Variants in MGST1 observed in about 807,000 individuals in gnomAD.
The protein encoded by MGST1 is microsomal glutathione S-transferase 1, also known as glutathione S-transferase 12.
Under a neutral mutation model 8.9 loss-of-function variants are expected in MGST1, and 5 were observed. The ratio of observed to expected loss-of-function variants is 0.56; its 90% confidence interval spans 0.29 to 1.19. The LOEUF is 1.19. MGST1 is among the 50% of genes most tolerant of loss of function. The pLI is 0.08. For synonymous variants in MGST1, 54 were observed against 67.8 expected, an observed-to-expected ratio of 0.80 and a Z score of 1.00; for missense variants, 182 against 187.4, an observed-to-expected ratio of 0.97 and a Z score of 0.17.
intron 4 of MGST1, among the ~76,000 whole-genome samples, chr12:16,578,748 G>A (rs921344958): frequency 6.6e-6 from 1 of 151,898 alleles, no homozygotes; most frequent in African/African-American, 2.4e-5. Context: ...AACCTGGGAG[G>A]CGGAGTTTGC....
At chr12:16,578,250 AT>A (rs1192148929) in intron 4 of MGST1, among the ~76,000 whole-genome samples, 1 of 152,230 alleles carries the variant, frequency 6.6e-6, no homozygotes, top group Non-Finnish European at 1.5e-5. Context: ...GTTTAGGGGA[AT>A]TCTAAGAGAA....
At chr12:16,540,589 G>A (rs1941786972) in intron 4 of MGST1, among the ~76,000 whole-genome samples, 1 of 152,198 alleles carries the variant, frequency 6.6e-6, no homozygotes, top group Non-Finnish European at 1.5e-5. Context: ...TTGGCATCTG[G>A]ACAGAGCGAC....
intron 4 of MGST1, among the ~76,000 whole-genome samples, chr12:16,581,444 G>C (rs961226132): frequency 1.3e-5 from 2 of 152,132 alleles, no homozygotes; most frequent in Non-Finnish European, 2.9e-5. Context: ...AACTCATTGA[G>C]AATACCTGAA....
chr12:16,592,462 C>T (rs1335948315), downstream of MGST1, among the ~76,000 whole-genome samples: 1 of 151,968 alleles, frequency 6.6e-6, no homozygotes, highest in African/African-American at 2.4e-5. Flanking sequence ...TTTATAGACT[C>T]TAAAATTACA....
At chr12:16,473,941 A>C (rs894431737) in intron 4 of MGST1, among the ~76,000 whole-genome samples, 1 of 152,236 alleles carries the variant, frequency 6.6e-6, no homozygotes, top group Non-Finnish European at 1.5e-5. Context: ...AAAGGCCTCA[A>C]GTTAATTTTA....
At chr12:16,512,721 G>A (rs2137180722) in intron 4 of MGST1, among the ~76,000 whole-genome samples, 1 of 152,256 alleles carries the variant, frequency 6.6e-6, no homozygotes, top group South Asian at 2.1e-4. Context: ...CATCATCAGT[G>A]CGCTTTTTCA....
intron 4 of MGST1, among the ~76,000 whole-genome samples, chr12:16,538,985 G>T (rs1371922979): frequency 1.3e-5 from 2 of 152,110 alleles, no homozygotes; most frequent in Admixed American, 1.3e-4. Context: ...AAAACCATGC[G>T]ATCTCATGAG....
chr12:16,381,241 T>C (rs2137040090), downstream of MGST1, among the ~76,000 whole-genome samples: 1 of 152,348 alleles, frequency 6.6e-6, no homozygotes, highest in East Asian at 1.9e-4. Flanking sequence ...GCATTGACAG[T>C]CTTTACAATT....
intron 4 of MGST1, among the ~76,000 whole-genome samples, chr12:16,511,494 A>C (rs936059114): frequency 6.6e-6 from 1 of 152,210 alleles, no homozygotes; most frequent in African/African-American, 2.4e-5. Context: ...TCTTAAACTT[A>C]AAAAAAGTCA....
chr12:16,397,924 A>C (rs902962520), intron 1 of MGST1, among the ~76,000 whole-genome samples: 1 of 151,188 alleles, frequency 6.6e-6, no homozygotes, highest in Non-Finnish European at 1.5e-5. Context: ...ACTCATTAAG[A>C]TTTTGATTAG....
At chr12:16,478,796 G>GT (rs765216592) in intron 4 of MGST1, among the ~76,000 whole-genome samples, 1 of 152,024 alleles carries the variant, frequency 6.6e-6, no homozygotes, top group Non-Finnish European at 1.5e-5. Flanking sequence ...TCTCTTAAAT[G>GT]TTTTTTTAGT....
At chr12:16,569,822 G>GAAAC (rs1219715988) in intron 4 of MGST1, among the ~76,000 whole-genome samples, 1 of 151,930 alleles carries the variant, frequency 6.6e-6, no homozygotes, top group East Asian at 1.9e-4. Flanking sequence ...AAGGGAAAAA[G>GAAAC]AAACAGTAAA....
intron 4 of MGST1, among the ~76,000 whole-genome samples, chr12:16,571,710 T>A (rs1051203769): frequency 2.0e-5 from 3 of 152,010 alleles, no homozygotes; most frequent in Admixed American, 6.6e-5. Context: ...ATATGCAGAT[T>A]GAATTAAATA....
At chr12:16,374,390 T>G (rs768261231) in intron 3 of MGST1, among the ~76,000 whole-genome samples, 8 of 152,242 alleles carry the variant, frequency 5.3e-5, no homozygotes, top group Admixed American at 2.0e-4. Flanking sequence ...TATGGAGAGA[T>G]AGCATATTAT....
intron 4 of MGST1, among the ~76,000 whole-genome samples, chr12:16,580,694 A>G (rs1343151556): frequency 6.6e-6 from 1 of 152,240 alleles, no homozygotes; most frequent in East Asian, 1.9e-4. Flanking sequence ...ATGTGCATAA[A>G]TACAGGTAGA....
At chr12:16,542,536 A>G (rs1941798801) in intron 4 of MGST1, among the ~76,000 whole-genome samples, 1 of 152,170 alleles carries the variant, frequency 6.6e-6, no homozygotes, top group Non-Finnish European at 1.5e-5. Context: ...TAAAATTCTC[A>G]AATCTCAGAG....
intron 1 of MGST1, among the ~76,000 whole-genome samples, chr12:16,349,796 G>A (rs1174867831): frequency 6.7e-6 from 1 of 148,202 alleles, no homozygotes; most frequent in Non-Finnish European, 1.5e-5. Context: ...CCAGGCTGGA[G>A]TGCAGTGGCA....
intron 4 of MGST1, among the ~76,000 whole-genome samples, chr12:16,493,403 AG>A (rs1941451392): frequency 6.6e-6 from 1 of 152,160 alleles, no homozygotes; most frequent in Non-Finnish European, 1.5e-5. Context: ...TGCTCATTGT[AG>A]GGCCCTATCC....
At chr12:16,551,162 G>A (rs976172002) in intron 4 of MGST1, 2 of 1,075,984 alleles carry the variant, frequency 1.9e-6, no homozygotes, top group African/African-American at 3.1e-5. Context: ...ATGTACATGT[G>A]GAGCAAAAAA....
Sources: allele counts gnomAD v4.1 joint callset (sites outside exome capture counted in the v4.1 genomes callset), GRCh38; gene constraint gnomAD v4.1.1; transcripts MANE v1.5; gene names NCBI Gene and HGNC (gene_info 2026-07-23, HGNC 2026-07-21).